Variants in ANXA11 observed in about 807,000 individuals in gnomAD.
ANXA11 encodes the protein 56 kDa autoantigen.
Under a neutral mutation model 64.7 loss-of-function variants are expected in ANXA11, and 57 were observed. The ratio of observed to expected loss-of-function variants is 0.88; its 90% CI spans 0.71 to 1.10. ANXA11 has a LOEUF of 1.10. ANXA11 is among the 50% of genes least tolerant of loss of function. The probability of loss-of-function intolerance (pLI) is 0.00; values close to 1 mark genes in which losing one functional copy is unlikely to be tolerated. For synonymous variants in ANXA11, 260 were observed against 265.2 expected (o/e 0.98, Z 0.19); for missense variants, 675 against 670.7 (o/e 1.01, Z -0.07).
In ANXA11 at chr10:80,201,781, C is replaced by T. The variant is rs1183444779; in HGVS notation, c.-58+3562G>A. On this transcript the variant is annotated intron_variant, in intron 1 of 15. Coordinates refer to ENST00000422982, the MANE Select transcript of ANXA11 (RefSeq NM_145868.2). ...CACTCCTTCCCCACTGTCACACGCA[C>T]CCTTTCCCCCAGTGGTGCCACTCCC... Among the ~76,000 whole-genome samples, 2 of 152,164 alleles carry T rather than the reference C, an allele frequency of 1.3e-5. 1 individual carries two copies. Among genetic ancestry groups the T allele is most frequent in the Non-Finnish European group, 2.9e-5 (2 of 68,024 alleles).
chr10:80,167,981 T>C (rs1845813324), intron 5 of ANXA11, among the ~76,000 whole-genome samples: 1 of 151,858 alleles, frequency 6.6e-6, no homozygotes, highest in African/African-American at 2.4e-5. Flanking sequence ...AGGGAAAAGA[T>C]AAGGGAGGGA....
intron 1 of ANXA11, among the ~76,000 whole-genome samples, chr10:80,193,229 C>T (rs929696799): frequency 9.9e-5 from 15 of 152,126 alleles, no homozygotes; most frequent in Non-Finnish European, 2.2e-4. Context: ...CACAATAATG[C>T]ATACATTAAA....
At chr10:80,169,464 T>A in intron 4 of ANXA11, 106 bp from the exon 5 acceptor site, 1 of 1,326,038 alleles carries the variant, frequency 7.5e-7, no homozygotes, top group Non-Finnish European at 1.0e-6. Context: ...CATCTCCGCT[T>A]GTGGAATATG....
At chr10:80,180,573 G>A (rs567801869) in intron 1 of ANXA11, among the ~76,000 whole-genome samples, 12 of 152,032 alleles carry the variant, frequency 7.9e-5, no homozygotes, top group Middle Eastern at 3.4e-3. Flanking sequence ...GGACTACAGT[G>A]GATGCTTTCA....
In ANXA11 at chr10:80,201,623, C is replaced by G. The variant is rs546543184; in HGVS notation, c.-58+3720G>C. Among the ~76,000 whole-genome samples, 3 of 152,304 alleles carry G rather than the reference C, an allele frequency of 2.0e-5. No homozygotes were observed. In the South Asian group the frequency reaches 6.2e-4, roughly 32 times the overall value. On this transcript the variant is annotated intron_variant, in intron 1 of 15. Transcript: ENST00000422982. ...AGTGGGGGCGGTCTCTCCTTTTAAG[C>G]ACACCACGCAGGGCGAGGCCAACAG...
intron 4 of ANXA11, 91 bp from the exon 5 acceptor site, chr10:80,169,449 C>T (rs946026112): frequency 7.1e-7 from 1 of 1,418,258 alleles, no homozygotes; most frequent in Non-Finnish European, 9.7e-7. Flanking sequence ...AGTCAGTCCT[C>T]ACAGCATCTC....
chr10:80,185,492 A>G (rs1257570602), intron 1 of ANXA11, among the ~76,000 whole-genome samples: 1 of 152,252 alleles, frequency 6.6e-6, no homozygotes, highest in Non-Finnish European at 1.5e-5. Flanking sequence ...CCTTTCCAGG[A>G]AACTGCCAAT....
At chr10:80,187,121 C>T (rs1161924564) in intron 1 of ANXA11, among the ~76,000 whole-genome samples, 1 of 152,318 alleles carries the variant, frequency 6.6e-6, no homozygotes, top group East Asian at 1.9e-4. Flanking sequence ...AAGCCCCCCA[C>T]CCAAGTCCTG....
At chr10:80,163,651 C>G in intron 9 of ANXA11, 38 bp from the exon 10 acceptor site, 1 of 1,531,672 alleles carries the variant, frequency 6.5e-7, no homozygotes, top group Non-Finnish European at 8.8e-7. Flanking sequence ...TCCTGTAGCT[C>G]TCTTTATGGA....
rs1845168520 is a variant in ANXA11, at chr10:80,152,176, G to C, written c.*3677C>G. On this transcript the variant is annotated 3_prime_UTR_variant, in exon 16 of 16. Transcript: ENST00000422982. Reference sequence around the variant, plus strand: ...TGCTTCTATTTTAGAAGTCAGACTAGATGTGTAGCATGGACTGGCCTTGAC... The same window carrying C: ...TGCTTCTATTTTAGAAGTCAGACTACATGTGTAGCATGGACTGGCCTTGAC... 6.6e-6 allele frequency: 1 copy of C among 152,234 alleles called. No individual in the cohort carries two copies. Among genetic ancestry groups the C allele is most frequent in the Non-Finnish European group, 1.5e-5 (1 of 68,044 alleles). 9.4% of individuals were successfully genotyped at this position (152,234 alleles called of 1,614,324 possible). A position where few individuals can be genotyped will look rare whatever the true frequency, so the allele number is the denominator to read the frequency against.
intron 5 of ANXA11, among the ~76,000 whole-genome samples, chr10:80,168,322 G>A (rs886526396): frequency 6.6e-6 from 1 of 152,070 alleles, no homozygotes; most frequent in Non-Finnish European, 1.5e-5. Context: ...TGAGACAGGT[G>A]GCCTGGGCAG....
intron 4 of ANXA11, 28 bp downstream of exon 4, chr10:80,170,772 G>A (rs747332347): frequency 2.8e-6 from 4 of 1,447,262 alleles, no homozygotes; most frequent in South Asian, 1.6e-5. Flanking sequence ...TGGCCCCAGG[G>A]CTGCCTCAGC....
At chr10:80,175,204 T>C (rs7909304) in intron 2 of ANXA11, among the ~76,000 whole-genome samples, 52,778 of 151,920 alleles carry the variant, frequency 0.35, 9,455 homozygotes, top group African/African-American at 0.4. Flanking sequence ...GCCCAGACTC[T>C]GCCAAACCCT....
Position 80,169,040 on chromosome 10 carries a change from G to A in ANXA11, c.490C>T (p.Gln164Ter). ...CCTGGGTAGCTCGGCACTGGCTGCT[G>A]CTGCCCAGGGAGTGGCACTGGAGGC... ...GQPPVPLPGQ[Q>*]QPVPSYPGYP... The change falls in exon 5 of 16, where the codon CAG becomes TAG. Residue 164 changes from glutamine (Q) to a stop codon, truncating the protein, a stop_gained. Transcript: ENST00000422982. LOFTEE classifies it high-confidence loss of function. 6.5e-7 allele frequency: 1 copy of A among 1,544,128 alleles called. No individual in the cohort carries two copies. Among genetic ancestry groups the A allele is most frequent in the East Asian group, 2.3e-5 (1 of 44,214 alleles).
intron 13 of ANXA11, 96 bp downstream of exon 13, chr10:80,159,004 C>A (rs1001934645): frequency 1.0e-5 from 9 of 892,162 alleles, no homozygotes; most frequent in African/African-American, 3.3e-5. Flanking sequence ...GGTCCCTTCA[C>A]GGTGTCACCC....
intron 1 of ANXA11, among the ~76,000 whole-genome samples, chr10:80,194,978 G>A (rs1846925246): frequency 6.6e-6 from 1 of 152,194 alleles, no homozygotes; most frequent in Admixed American, 6.5e-5. Context: ...TCCAGTTGGT[G>A]TGTTATGAGC....
At chr10:80,181,708 T>C (rs1447761094) in intron 1 of ANXA11, among the ~76,000 whole-genome samples, 1 of 152,138 alleles carries the variant, frequency 6.6e-6, no homozygotes, top group East Asian at 1.9e-4. Flanking sequence ...CAACATGTCA[T>C]TAATAAATTG....
intron 1 of ANXA11, among the ~76,000 whole-genome samples, chr10:80,198,730 A>G (rs1840278280): frequency 6.6e-6 from 1 of 150,584 alleles, no homozygotes; most frequent in African/African-American, 2.5e-5. Flanking sequence ...TGATTTTTCA[A>G]GAAAGAGTGA....
At chr10:80,200,035 A>C (rs1435211582) in intron 1 of ANXA11, among the ~76,000 whole-genome samples, 1 of 152,244 alleles carries the variant, frequency 6.6e-6, no homozygotes, top group East Asian at 1.9e-4. Context: ...GAGGCAGAGC[A>C]GTCCGCTTCT....
Sources: gnomAD v4.1 joint callset for allele counts (sites outside exome capture counted in the v4.1 genomes callset) on GRCh38, gnomAD v4.1.1 for gene constraint, MANE v1.5 for transcripts, NCBI Gene and HGNC (gene_info 2026-07-23, HGNC 2026-07-21) for gene names.